The following MYZAP variants were observed in gnomAD, a reference collection of about 807,000 sequenced individuals.
MYZAP encodes the protein myocardial zonula adherens protein, also known as GRINL1A complex locus upstream.
MYZAP carries 66 observed loss-of-function variants against 69.4 expected under a neutral mutation model. That is an observed-to-expected ratio of 0.95 (90% CI 0.78 to 1.17). The LOEUF is 1.17. Among genes scored for constraint, MYZAP ranks in the 50% most tolerant of loss-of-function variants. The probability of loss-of-function intolerance (pLI) is 0.00; values close to 1 mark genes in which losing one functional copy is unlikely to be tolerated. For synonymous variants in MYZAP, 256 were observed against 205.9 expected, an observed-to-expected ratio of 1.24 and a Z score of -2.09; for missense variants, 611 against 556.2, an observed-to-expected ratio of 1.10 and a Z score of -0.99.
chr15:57,657,853 T>C (rs1263022774), intron 10 of MYZAP, among the ~76,000 whole-genome samples: 2 of 152,166 alleles, frequency 1.3e-5, no homozygotes, highest in Non-Finnish European at 2.9e-5. Flanking sequence ...TCATACTAAT[T>C]CACAATGCCA....
chr15:57,607,646 C>G (rs74016325), intron 2 of MYZAP, among the ~76,000 whole-genome samples: 19 of 152,170 alleles, frequency 1.2e-4, no homozygotes, highest in Non-Finnish European at 2.5e-4. Context: ...AGCATATGCA[C>G]CAGGATACTT....
chr15:57,615,568 T>C (rs1041187824), intron 2 of MYZAP, among the ~76,000 whole-genome samples: 1 of 152,220 alleles, frequency 6.6e-6, no homozygotes, highest in Non-Finnish European at 1.5e-5. Context: ...ACCAAAGCCT[T>C]GTGTTGTCAT....
intron 4 of MYZAP, 60 bp downstream of exon 4, chr15:57,621,760 T>C: frequency 6.5e-7 from 1 of 1,540,244 alleles, no homozygotes; most frequent in South Asian, 1.1e-5. Context: ...GAGTGGTCCC[T>C]CAGTGGCTAG....
At chr15:57,647,308 C>A (rs1483864742) in intron 10 of MYZAP, 1 of 985,256 alleles carries the variant, frequency 1.0e-6, no homozygotes, top group Non-Finnish European at 1.2e-6. Context: ...TCCCCAGATA[C>A]GATGCTGGGT....
intron 12 of MYZAP, among the ~76,000 whole-genome samples, chr15:57,682,328 A>G (rs2039486874): frequency 6.6e-6 from 1 of 152,146 alleles, no homozygotes; most frequent in Non-Finnish European, 1.5e-5. Context: ...CACATGGCCC[A>G]CCTAATGGCA....
intron 12 of MYZAP, among the ~76,000 whole-genome samples, chr15:57,682,446 T>G (rs1595951473): frequency 6.6e-6 from 1 of 151,902 alleles, no homozygotes; most frequent in African/African-American, 2.4e-5. Flanking sequence ...CTCCCTAAAA[T>G]CTCCCCGCCA....
intron 10 of MYZAP, chr15:57,646,155 T>C: frequency 7.8e-7 from 1 of 1,289,240 alleles, no homozygotes; most frequent in Non-Finnish European, 1.0e-6. Context: ...GCACGAGCTC[T>C]TCTCCAGATT....
At chr15:57,635,745 GA>G (rs2140452537) in intron 8 of MYZAP, among the ~76,000 whole-genome samples, 1 of 152,360 alleles carries the variant, frequency 6.6e-6, no homozygotes, top group South Asian at 2.1e-4. Context: ...CACACTACGT[GA>G]ACGGCATGTC....
intron 1 of MYZAP, among the ~76,000 whole-genome samples, chr15:57,601,829 GT>G (rs2034434410): frequency 6.6e-6 from 1 of 152,124 alleles, no homozygotes; most frequent in African/African-American, 2.4e-5. Flanking sequence ...AGGGGAATTA[GT>G]TTGCAGTCCG....
At chr15:57,672,800 T>C (rs2018558) in intron 11 of MYZAP, among the ~76,000 whole-genome samples, 137,601 of 152,202 alleles carry the variant, frequency 0.9, 63,405 homozygotes, top group Non-Finnish European at 0.99. Flanking sequence ...CCTTTGATTT[T>C]TCTTACTCTC....
At chr15:57,599,168 G>A (rs538206371) in intron 1 of MYZAP, among the ~76,000 whole-genome samples, 1 of 152,248 alleles carries the variant, frequency 6.6e-6, no homozygotes, top group Admixed American at 6.5e-5. Flanking sequence ...AAGACTAAGT[G>A]GCTTTCCAAA....
intron 7 of MYZAP, among the ~76,000 whole-genome samples, chr15:57,632,885 C>G (rs779652533): frequency 1.3e-5 from 2 of 152,182 alleles, no homozygotes; most frequent in Non-Finnish European, 2.9e-5. Context: ...TTGGTTCTCT[C>G]TACCTGAAAT....
intron 10 of MYZAP, among the ~76,000 whole-genome samples, chr15:57,660,656 T>C (rs1426124589): frequency 6.6e-5 from 10 of 152,182 alleles, no homozygotes; most frequent in Admixed American, 6.5e-4. Context: ...CACACAAATT[T>C]AATATACAGG....
At chr15:57,592,171 A>AG in intron 1 of MYZAP, 62 bp downstream of exon 1, 1 of 1,244,228 alleles carries the variant, frequency 8.0e-7, no homozygotes, top group Admixed American at 4.2e-5. Flanking sequence ...CCCCCTCTAG[A>AG]GGGGACTAGG....
chr15:57,620,263 C>A (rs1029217354), intron 3 of MYZAP, among the ~76,000 whole-genome samples: 2 of 152,172 alleles, frequency 1.3e-5, no homozygotes, highest in African/African-American at 4.8e-5. Flanking sequence ...CACCAATATC[C>A]AGTAACCCCT....
intron 11 of MYZAP, among the ~76,000 whole-genome samples, chr15:57,674,144 T>C (rs2140625814): frequency 6.6e-6 from 1 of 152,304 alleles, no homozygotes; most frequent in Non-Finnish European, 1.5e-5. Context: ...GAATATTTTT[T>C]TTTTGGCATT....
intron 2 of MYZAP, among the ~76,000 whole-genome samples, chr15:57,610,137 G>C (rs537940366): frequency 2.0e-5 from 3 of 152,320 alleles, no homozygotes; most frequent in Admixed American, 2.0e-4. Flanking sequence ...TAACATCCCA[G>C]CTTTGGAGGT....
rs754277372 is a variant in MYZAP, at chr15:57,618,093, G to A, written c.223G>A (p.Val75Met). The part of the protein sequence containing the change: ...RKLPQGVVYG[V>M]VRRSDQNQQK... ...ACTTCCTCAGGGTGTTGTTTATGGT[G>A]TGGTGCGAAGATCAGATCAAAATCA... Residue 75 changes from valine to methionine, a missense_variant, in exon 3 of 13, where the codon GTG (valine) becomes ATG (methionine). By Grantham distance (21) the Val-to-Met change is conservative. Coordinates refer to ENST00000267853, the MANE Select transcript of MYZAP (RefSeq NM_001018100.5). 1.2e-5 allele frequency: 20 copies of A among 1,614,210 alleles called. No homozygotes were observed. Among genetic ancestry groups the A allele is most frequent in the Non-Finnish European group, 1.6e-5 (19 of 1,180,036 alleles).
At chr15:57,668,059 C>T (rs1397608148) in intron 11 of MYZAP, among the ~76,000 whole-genome samples, 1 of 152,184 alleles carries the variant, frequency 6.6e-6, no homozygotes, top group Non-Finnish European at 1.5e-5. Flanking sequence ...ATATAGCATG[C>T]CCTCTTCTCT....
Sources: gnomAD v4.1 joint callset for allele counts (sites outside exome capture counted in the v4.1 genomes callset) on GRCh38, gnomAD v4.1.1 for gene constraint, MANE v1.5 for transcripts, NCBI Gene and HGNC (gene_info 2026-07-23, HGNC 2026-07-21) for gene names.